The following SFRP4 variants were observed in gnomAD, a reference collection of about 807,000 sequenced individuals.
SFRP4 encodes the protein secreted frizzled-related protein 4.
A neutral mutation model predicts 36.3 loss-of-function variants in SFRP4; 25 were observed. The observed-to-expected ratio is 0.69, with a 90% confidence interval of 0.50 to 0.96. The LOEUF is 0.96. Among genes scored for constraint, SFRP4 ranks in the 40% least tolerant of loss-of-function variants. The pLI, the probability that SFRP4 is intolerant of heterozygous loss-of-function variation, is 0.00. For missense variants in SFRP4, 487 were observed against 459.6 expected (o/e 1.06, Z -0.54); for synonymous variants, 182 against 168.8 (o/e 1.08, Z -0.60).
intron 4 of SFRP4, 22 bp from the exon 5 acceptor site, chr7:37,909,702 A>G (rs1244522939): frequency 2.1e-6 from 3 of 1,439,176 alleles, no homozygotes; most frequent in Admixed American, 1.9e-5. Flanking sequence ...TTATCTTAGT[A>G]AACAGATTTT....
chr7:37,915,991 T>C, intron 1 of SFRP4, 102 bp downstream of exon 1: 1 of 1,495,066 alleles, frequency 6.7e-7, no homozygotes, highest in Non-Finnish European at 8.9e-7. Context: ...CCTACAAGCC[T>C]CAGACGCCCC....
At chr7:37,914,352 G>A (rs199946145) in intron 2 of SFRP4, 21 bp downstream of exon 2, 18 of 1,609,760 alleles carry the variant, frequency 1.1e-5, no homozygotes, top group African/African-American at 1.1e-4. Flanking sequence ...TAGAGGGAAC[G>A]TCCATGAAGA....
chr7:37,910,252 C>T (rs1464366041), intron 4 of SFRP4, among the ~76,000 whole-genome samples: 2 of 151,842 alleles, frequency 1.3e-5, no homozygotes, highest in Non-Finnish European at 2.9e-5. Context: ...AAAATGGAAT[C>T]TTATTTTTAT....
chr7:37,911,270 A>G (rs1450613357), intron 4 of SFRP4, among the ~76,000 whole-genome samples: 1 of 152,222 alleles, frequency 6.6e-6, no homozygotes, highest in Admixed American at 6.5e-5. Context: ...AAGTGGAGTT[A>G]GTTCCCAAAG....
At position 37,914,221 on chromosome 7, in the gene SFRP4, T is replaced by C. The variant is rs775627840; in HGVS notation, c.584A>G (p.Tyr195Cys). 2 of 1,613,576 alleles carry C rather than the reference T, an allele frequency of 1.2e-6. No homozygotes were observed. Among genetic ancestry groups the C allele is most frequent in the Non-Finnish European group, 1.7e-6 (2 of 1,179,436 alleles). Residue 195 changes from tyrosine (Y) to cysteine (C), a missense_variant, in exon 3 of 6, where the codon TAC becomes TGC. Physicochemically the swap from Tyr to Cys is radical, Grantham distance 194. Transcript: ENST00000436072. ...TTTAACAGACGACTTACCATAGCTGTAGTTTTTGCTGAGATACGTTGCCAA... is the reference window on the plus strand; with the variant it reads ...TTTAACAGACGACTTACCATAGCTGCAGTTTTTGCTGAGATACGTTGCCAA... ...PTLATYLSKN[Y>C]SYVIHAKIKA...
In SFRP4 at chr7:37,916,212, T is replaced by G; in HGVS notation, c.326A>C (p.Glu109Ala). ...GTGGTTGTACATCTTCATGAGGGGC[T>G]CGCAGTCGTCGCGCGCGCGTTGGCA... ...SVCQRARDDC[E>A]PLMKMYNHSW... Residue 109 changes from glutamate (E) to alanine (A), a missense_variant, in exon 1 of 6, where the codon GAG (glutamate) becomes GCG (alanine). Transcript: ENST00000436072. This position sits in a 1 kb window ranked among gnomAD's most constrained non-coding sequence, Gnocchi z 4.1. 1 of 1,614,184 alleles carries G rather than the reference T, an allele frequency of 6.2e-7. No individual in the cohort carries two copies. Among genetic ancestry groups the G allele is most frequent in the East Asian group, 2.2e-5 (1 of 44,870 alleles).
In SFRP4 at chr7:37,909,614, T is replaced by C. The variant is rs771759619; in HGVS notation, c.855+3A>G. 5.8e-6 allele frequency: 9 copies of C among 1,540,974 alleles called. No individual in the cohort carries two copies. The East Asian group carries it at 1.9e-4, about 32-fold the overall frequency. ...TCTTCACAGCATTGTTCATGATACTTACTATGGATCTTTTACTAAGCTGAT... is the reference window on the plus strand; with the variant it reads ...TCTTCACAGCATTGTTCATGATACTCACTATGGATCTTTTACTAAGCTGAT... On this transcript the variant is annotated splice_donor_region_variant and intron_variant, in intron 5 of 5. Coordinates refer to ENST00000436072, the MANE Select transcript of SFRP4 (RefSeq NM_003014.4).
chr7:37,914,470 G>A lies in SFRP4; in HGVS notation c.446-17C>T. On this transcript the variant is annotated splice_polypyrimidine_tract_variant and intron_variant, in intron 1 of 5. Coordinates refer to ENST00000436072, the MANE Select transcript of SFRP4 (RefSeq NM_003014.4). ...ACTTAACATCTGAAACACAAACAGG[G>A]CCACATGGGCGTGGTTGGTGATTTG... 6.3e-7 allele frequency: 1 copy of A among 1,599,236 alleles called. No individual in the cohort carries two copies. Among genetic ancestry groups the A allele is most frequent in the Non-Finnish European group, 8.6e-7 (1 of 1,166,400 alleles).
At position 37,907,503 on chromosome 7, in the gene SFRP4, C is replaced by G. The variant is rs1237455127; in HGVS notation, c.1017G>C (p.Lys339Asn). ...KKNIKTRSAQ[K>N]RTNPKRV ...CTCACACTCTTTTCGGGTTTGTTCTCTTCTGGGCACTCCTAGTTTTAATGT... is the reference window on the plus strand; with the variant it reads ...CTCACACTCTTTTCGGGTTTGTTCTGTTCTGGGCACTCCTAGTTTTAATGT... The change falls in exon 6 of 6, where the codon AAG (lysine) becomes AAC (asparagine). Residue 339 changes from lysine (K) to asparagine (N), a missense_variant. By Grantham distance (94) the Lys-to-Asn change is moderately conservative (BLOSUM62 0). Coordinates refer to ENST00000436072, the MANE Select transcript of SFRP4 (RefSeq NM_003014.4). The G allele has an allele frequency of 6.2e-7, 1 of 1,613,742 alleles. No individual in the cohort carries two copies. The highest frequency in any genetic ancestry group is 1.7e-5 in the Admixed American group (1 of 59,980).
At position 37,916,344 on chromosome 7, in the gene SFRP4, A is replaced by AC. The variant is rs1337625890; in HGVS notation, c.193dup (p.Val65GlyfsTer68). 1 of 1,614,078 alleles carries AC rather than the reference A, an allele frequency of 6.2e-7. No individual in the cohort carries two copies. The highest frequency in any genetic ancestry group is 2.2e-5 in the East Asian group (1 of 44,896). On this transcript the variant is annotated frameshift_variant, in exon 1 of 6. Coordinates refer to ENST00000436072, the MANE Select transcript of SFRP4 (RefSeq NM_003014.4). LOFTEE classifies it high-confidence loss of function. This position sits in a 1 kb window ranked among gnomAD's most constrained non-coding sequence, Gnocchi z 4.1. ...CAGCACGGCGCTGCAGTTCACGTCC[A>AC]CCAGCTCCTCGTACTGCTCGATGGC...
Position 37,914,248 on chromosome 7 carries a change from G to A in SFRP4, c.557C>T (p.Thr186Ile), listed in dbSNP as rs751532588. The A allele has an allele frequency of 1.2e-6, 2 of 1,614,170 alleles. No individual in the cohort carries two copies. The highest frequency in any genetic ancestry group is 8.5e-7 in the Non-Finnish European group (1 of 1,180,010). The change falls in exon 3 of 6, where the codon ACT becomes ATT. Residue 186 changes from threonine to isoleucine, a missense_variant. Coordinates refer to ENST00000436072, the MANE Select transcript of SFRP4 (RefSeq NM_003014.4). ...DRCKCKKVKP[T>I]LATYLSKNYS... is the part of the protein sequence containing the mutation. ...GTTTTTGCTGAGATACGTTGCCAAA[G>A]TTGGCTTCACCTTTTTACACTTGCA...
At position 37,907,474 on chromosome 7, in the gene SFRP4, T is replaced by C; in HGVS notation, c.*5A>G. 1 of 1,610,986 alleles carries C rather than the reference T, an allele frequency of 6.2e-7. No homozygotes were observed. Among genetic ancestry groups the C allele is most frequent in the Non-Finnish European group, 8.5e-7 (1 of 1,178,522 alleles). ...CGGAAGTCTCCGCTTTGGAAACTAGTTAGCTCACACTCTTTTCGGGTTTGT... is the reference window on the plus strand; with the variant it reads ...CGGAAGTCTCCGCTTTGGAAACTAGCTAGCTCACACTCTTTTCGGGTTTGT... On this transcript the variant is annotated 3_prime_UTR_variant, in exon 6 of 6. Transcript: ENST00000436072.
chr7:37,916,447 T>A lies in SFRP4; in HGVS notation c.91A>T (p.Met31Leu). 6.2e-7 allele frequency: 1 copy of A among 1,613,744 alleles called. No homozygotes were observed. Among genetic ancestry groups the A allele is most frequent in the South Asian group, 1.1e-5 (1 of 91,056 alleles). ...ATGTTCCAGGGCATGTGCCGGCACATAGGGATGCGCACCGCCTCGCAGGGC... is the reference window on the plus strand; with the variant it reads ...ATGTTCCAGGGCATGTGCCGGCACAAAGGGATGCGCACCGCCTCGCAGGGC... ...GAPCEAVRIPMCRHMPWNITR... is the reference protein window; with the variant it reads ...GAPCEAVRIPLCRHMPWNITR... Residue 31 changes from methionine to leucine, a missense_variant, in exon 1 of 6, where the codon ATG becomes TTG. Met to Leu is a conservative substitution (Grantham distance 15). Coordinates refer to ENST00000436072, the MANE Select transcript of SFRP4 (RefSeq NM_003014.4). This position sits in a 1 kb window ranked among gnomAD's most constrained non-coding sequence, Gnocchi z 4.1.
chr7:37,916,650 G>A lies in SFRP4; in HGVS notation c.-113C>T, dbSNP rs1444559453. 1.4e-6 allele frequency: 2 copies of A among 1,431,482 alleles called. No individual in the cohort carries two copies. The highest frequency in any genetic ancestry group is 2.4e-5 in the Admixed American group (1 of 40,930). The allele number at this position is 1,431,482 out of a possible 1,614,324, so 88.7% of individuals were successfully genotyped here. ...GGAAGAAATCCTCTGGGGCGCAGGAGAGTTTCTTCCCCCAAACTCCAGTCG... is the reference window on the plus strand; with the variant it reads ...GGAAGAAATCCTCTGGGGCGCAGGAAAGTTTCTTCCCCCAAACTCCAGTCG... On this transcript the variant is annotated 5_prime_UTR_variant, in exon 1 of 6. Coordinates refer to ENST00000436072, the MANE Select transcript of SFRP4 (RefSeq NM_003014.4). The surrounding 1 kb of genome is among the most constrained non-coding windows in gnomAD (Gnocchi z 4.1).
In SFRP4 at chr7:37,907,546, G is replaced by A; in HGVS notation, c.974C>T (p.Pro325Leu). The change falls in exon 6 of 6, where the codon CCA (proline) becomes CTA (leucine). Residue 325 changes from proline to leucine, a missense_variant. Coordinates refer to ENST00000436072, the MANE Select transcript of SFRP4 (RefSeq NM_003014.4). ...TTTAATGTTCTTCTTGGGACTGGCT[G>A]GTTTGGGAGCAGGAGGCTTTCCCTT... Reference protein sequence around the residue: ...KPKGKPPAPKPASPKKNIKTR... With the variant: ...KPKGKPPAPKLASPKKNIKTR... 3 of 1,613,888 alleles carry A rather than the reference G, an allele frequency of 1.9e-6. No homozygotes were observed. The highest frequency in any genetic ancestry group is 2.5e-6 in the Non-Finnish European group (3 of 1,179,854).
rs148047662 is a variant in SFRP4 at position 37,914,175 on chromosome 7, C to T, written c.592+38G>A. On this transcript the variant is annotated intron_variant, in intron 3 of 5. Transcript: ENST00000436072. ...TTGAGATTCCAGCTTTGTAATGAAC[C>T]AAGTCTCAAAAGTAAATGGCTTTAA... The T allele has an allele frequency of 2.0e-6, 3 of 1,502,558 alleles. No homozygotes were observed. The African/African-American group carries it at 4.1e-5, about 21-fold the overall frequency. The allele number at this position is 1,502,558 out of a possible 1,614,324, so 93.1% of individuals were successfully genotyped here. A position where few individuals can be genotyped will look rare whatever the true frequency, so the allele number is the denominator to read the frequency against.
rs1785577963 is a variant in SFRP4 at position 37,916,414 on chromosome 7, T to A, written c.124A>T (p.Met42Leu). 6.2e-7 allele frequency: 1 copy of A among 1,613,964 alleles called. No homozygotes were observed. Among genetic ancestry groups the A allele is most frequent in the South Asian group, 1.1e-5 (1 of 91,078 alleles). Residue 42 changes from methionine to leucine, a missense_variant, in exon 1 of 6, where the codon ATG becomes TTG. By Grantham distance (15) the Met-to-Leu change is conservative. Transcript: ENST00000436072. This position sits in a 1 kb window ranked among gnomAD's most constrained non-coding sequence, Gnocchi z 4.1. ...GTGCTGTGGTGCAGGTGGTTGGGCA[T>A]CCGCGTGATGTTCCAGGGCATGTGC... The part of the protein sequence containing the change: ...CRHMPWNITR[M>L]PNHLHHSTQE...
At position 37,907,425 on chromosome 7, in the gene SFRP4, C is replaced by A; in HGVS notation, c.*54G>T. On this transcript the variant is annotated 3_prime_UTR_variant, in exon 6 of 6. Transcript: ENST00000436072. ...CTTACATAGGCTGTCCCAGGCAATGCCCAGCCTCATCCTGTAAGGAAGTCG... is the reference window on the plus strand; with the variant it reads ...CTTACATAGGCTGTCCCAGGCAATGACCAGCCTCATCCTGTAAGGAAGTCG... 3.3e-6 allele frequency: 5 copies of A among 1,516,816 alleles called. No homozygotes were observed. The highest frequency in any genetic ancestry group is 2.3e-5 in the East Asian group (1 of 44,324). 94.0% of individuals were successfully genotyped at this position (1,516,816 alleles called of 1,614,324 possible). A position where few individuals can be genotyped will look rare whatever the true frequency, so the allele number is the denominator to read the frequency against.
rs1487260594 is a variant in SFRP4, at chr7:37,916,677, C to T, written c.-140G>A. ...GTTTCTTCCCCCAAACTCCAGTCGGCAGCAAAGCGGGGCCGCGGGGTCCGG... is the reference window on the plus strand; with the variant it reads ...GTTTCTTCCCCCAAACTCCAGTCGGTAGCAAAGCGGGGCCGCGGGGTCCGG... On this transcript the variant is annotated 5_prime_UTR_variant, in exon 1 of 6. Transcript: ENST00000436072. This position sits in a 1 kb window ranked among gnomAD's most constrained non-coding sequence, Gnocchi z 4.1. The T allele has an allele frequency of 1.1e-5, 15 of 1,325,610 alleles. No homozygotes were observed. The East Asian group carries it at 2.0e-4, about 18-fold the overall frequency. 82.1% of individuals were successfully genotyped at this position (1,325,610 alleles called of 1,614,324 possible).
Sources: gnomAD v4.1 joint callset for allele counts (sites outside exome capture counted in the v4.1 genomes callset) on GRCh38, gnomAD v4.1.1 for gene constraint, Gnocchi (gnomAD v3.1) non-coding constraint, MANE v1.5 for transcripts, NCBI Gene and HGNC (gene_info 2026-07-23, HGNC 2026-07-21) for gene names.